The following RHOBTB1 variants were observed in gnomAD, a reference collection of about 807,000 sequenced individuals.
RHOBTB1 encodes rho-related BTB domain-containing protein 1.
Under a neutral mutation model 71.6 loss-of-function variants are expected in RHOBTB1, and 40 were observed. That is an observed-to-expected ratio of 0.56 (90% CI 0.43 to 0.73). RHOBTB1 has a LOEUF of 0.73. Ranked by LOEUF, RHOBTB1 falls within the 30% of genes least tolerant of loss-of-function variation. RHOBTB1 has a pLI of 0.00. For synonymous variants in RHOBTB1, 319 were observed against 334.9 expected, an observed-to-expected ratio of 0.95 and a Z score of 0.52; for missense variants, 797 against 894.0, an observed-to-expected ratio of 0.89 and a Z score of 1.38.
chr10:60,912,989 A>G (rs2083071230), intron 2 of RHOBTB1: 1 of 152,234 alleles, frequency 6.6e-6, no homozygotes, highest in Non-Finnish European at 1.5e-5. Context: ...GTCAGTAATG[A>G]TTTTAATGGC....
chr10:60,913,227 C>T (rs1387189203), intron 2 of RHOBTB1, among the ~76,000 whole-genome samples: 1 of 152,130 alleles, frequency 6.6e-6, no homozygotes, highest in Non-Finnish European at 1.5e-5. Context: ...AACGCCATCA[C>T]AGGAGGTGTT....
At chr10:60,897,409 T>C (rs974537275) in intron 4 of RHOBTB1, among the ~76,000 whole-genome samples, 2 of 152,256 alleles carry the variant, frequency 1.3e-5, no homozygotes, top group Non-Finnish European at 2.9e-5. Context: ...CTTCTTAGTT[T>C]GACTTTCCTT....
At position 60,870,968 on chromosome 10, in the gene RHOBTB1, C is replaced by G. The variant is rs1049949616; in HGVS notation, c.*514G>C. The G allele has an allele frequency of 6.6e-6, 1 of 152,610 alleles. No individual in the cohort carries two copies. Among genetic ancestry groups the G allele is most frequent in the African/African-American group, 2.4e-5 (1 of 41,410 alleles). The allele number at this position is 152,610 out of a possible 1,614,324, so 9.5% of individuals were successfully genotyped here. ...AATTTGCACTTTGGGAGATTTCAGT[C>G]CCCTCCTTCCTTTCACAACAAAAGG... On this transcript the variant is annotated 3_prime_UTR_variant, in exon 11 of 11. Coordinates refer to ENST00000337910, the MANE Select transcript of RHOBTB1 (RefSeq NM_014836.5).
chr10:60,895,283 A>C (rs1006437258), intron 4 of RHOBTB1, among the ~76,000 whole-genome samples: 1 of 152,238 alleles, frequency 6.6e-6, no homozygotes, highest in Non-Finnish European at 1.5e-5. Flanking sequence ...TAACTTATTG[A>C]GTCAAAATTC....
At chr10:60,892,407 T>C (rs7898435) in intron 5 of RHOBTB1, among the ~76,000 whole-genome samples, 52,450 of 152,050 alleles carry the variant, frequency 0.34, 9,953 homozygotes, top group East Asian at 0.58. Context: ...ATATGTGTGT[T>C]TGTATGAATC....
At chr10:60,905,874 C>T (rs1444914053) in intron 4 of RHOBTB1, among the ~76,000 whole-genome samples, 1 of 152,166 alleles carries the variant, frequency 6.6e-6, no homozygotes, top group African/African-American at 2.4e-5. Flanking sequence ...ACAAGCACAA[C>T]CAATCCCAGG....
intron 2 of RHOBTB1, among the ~76,000 whole-genome samples, chr10:60,975,722 T>A (rs2086292813): frequency 6.6e-6 from 1 of 152,106 alleles, no homozygotes; most frequent in Admixed American, 6.6e-5. Context: ...TTTTTCAGTT[T>A]TTCCATATAA....
chr10:60,879,629 G>A (rs1461800141), intron 7 of RHOBTB1, among the ~76,000 whole-genome samples: 2 of 152,112 alleles, frequency 1.3e-5, no homozygotes, highest in Non-Finnish European at 2.9e-5. Context: ...ACAGGCATGA[G>A]CCACTGTGAC....
At chr10:60,986,156 G>A (rs1221773164) in intron 1 of RHOBTB1, among the ~76,000 whole-genome samples, 1 of 151,850 alleles carries the variant, frequency 6.6e-6, no homozygotes, top group East Asian at 1.9e-4. Flanking sequence ...AGAATATCTG[G>A]GGTCAAATCG....
upstream of RHOBTB1, among the ~76,000 whole-genome samples, chr10:60,944,967 G>A (rs1589393246): frequency 6.6e-6 from 1 of 152,306 alleles, no homozygotes; most frequent in East Asian, 1.9e-4. Context: ...TCCATGGGCT[G>A]TCTTGGTCTT....
At chr10:60,862,566 CT>C in the RHOBTB1 span, among the ~76,000 whole-genome samples, 2 of 151,646 alleles carry the variant, frequency 1.3e-5, no homozygotes, top group Admixed American at 6.6e-5. Flanking sequence ...TTTCTTCTTT[CT>C]TTCTTTTCCT....
chr10:60,997,915 G>T (rs1050976106), intron 1 of RHOBTB1, among the ~76,000 whole-genome samples: 110 of 152,192 alleles, frequency 7.2e-4, no homozygotes, highest in African/African-American at 2.3e-3. Context: ...TGAGTGAAAA[G>T]AATGCTGTTT....
chr10:60,884,190 G>A (rs1485125807), intron 7 of RHOBTB1, among the ~76,000 whole-genome samples: 1 of 152,190 alleles, frequency 6.6e-6, no homozygotes, highest in Non-Finnish European at 1.5e-5. Flanking sequence ...TCCAAGGCTT[G>A]TGATTCTAGG....
At chr10:60,978,048 A>T (rs968323198) in intron 2 of RHOBTB1, among the ~76,000 whole-genome samples, 1 of 152,192 alleles carries the variant, frequency 6.6e-6, no homozygotes, top group Non-Finnish European at 1.5e-5. Context: ...GGAAAAATGT[A>T]TAAAATTATT....
At chr10:60,961,289 T>TGGACA (rs1201168354) in intron 2 of RHOBTB1, among the ~76,000 whole-genome samples, 1 of 152,154 alleles carries the variant, frequency 6.6e-6, no homozygotes, top group East Asian at 1.9e-4. Flanking sequence ...TGCCTAGAGC[T>TGGACA]GGACACATCT....
At position 60,939,326 on chromosome 10, in the gene RHOBTB1, T is replaced by C. The variant is rs1345060610; in HGVS notation, c.-11+2478A>G. On this transcript the variant is annotated intron_variant, in intron 2 of 10. Transcript: ENST00000337910. ...TGCCAATTTTCCAATTTCTGTCCTA[T>C]GGGCACAAGAAACAAAAGGTGCCAG... Among the ~76,000 whole-genome samples, 3 of 152,286 alleles carry C rather than the reference T, an allele frequency of 2.0e-5. No individual in the cohort carries two copies. In the East Asian group the frequency reaches 5.8e-4, roughly 29 times the overall value.
chr10:60,954,679 A>C (rs1337055406), intron 2 of RHOBTB1, among the ~76,000 whole-genome samples: 2 of 152,176 alleles, frequency 1.3e-5, no homozygotes, highest in African/African-American at 4.8e-5. Context: ...ATGGATGAGA[A>C]AGAGGAGAAA....
At chr10:60,909,804 ACT>A (rs1287917531) in intron 4 of RHOBTB1, among the ~76,000 whole-genome samples, 2 of 152,112 alleles carry the variant, frequency 1.3e-5, no homozygotes, top group East Asian at 3.9e-4. Context: ...TGCTTCCATA[ACT>A]CTCTGAGTCC....
At chr10:60,901,661 G>A (rs1439752710) in intron 4 of RHOBTB1, among the ~76,000 whole-genome samples, 2 of 152,202 alleles carry the variant, frequency 1.3e-5, no homozygotes, top group African/African-American at 2.4e-5. Context: ...GAAAGTTCCA[G>A]TATAAACACA....
Sources: gnomAD v4.1 joint callset for allele counts (sites outside exome capture counted in the v4.1 genomes callset) on GRCh38, gnomAD v4.1.1 for gene constraint, MANE v1.5 for transcripts, NCBI Gene and HGNC (gene_info 2026-07-23, HGNC 2026-07-21) for gene names.